FDFT1: variants seen among roughly 807,000 people sequenced by gnomAD.
The protein encoded by FDFT1 is squalene synthase.
A neutral mutation model predicts 46.8 loss-of-function variants in FDFT1; 68 were observed. That is an observed-to-expected ratio of 1.45 (90% confidence interval 1.19 to 1.78). The LOEUF (loss-of-function observed/expected upper bound fraction) is 1.78. FDFT1 is among the 40% of genes most tolerant of loss of function. The pLI is 0.00. For synonymous variants in FDFT1, 351 were observed against 185.1 expected (o/e 1.90, Z -7.28); for missense variants, 928 against 524.4 (o/e 1.77, Z -7.52).
At chr8:11,805,856 C>A (rs1386864050) in intron 1 of FDFT1, among the ~76,000 whole-genome samples, 1 of 152,176 alleles carries the variant, frequency 6.6e-6, no homozygotes, top group East Asian at 1.9e-4. Flanking sequence ...CCAGGTCTTG[C>A]CACAGATGTT....
intron 4 of FDFT1, among the ~76,000 whole-genome samples, chr8:11,822,488 C>T (rs1469185577): frequency 6.6e-6 from 1 of 152,146 alleles, no homozygotes; most frequent in Non-Finnish European, 1.5e-5. Flanking sequence ...AAGTTAACAG[C>T]ATACAATGAC....
At chr8:11,813,249 G>A in intron 3 of FDFT1, among the ~76,000 whole-genome samples, 1 of 152,188 alleles carries the variant, frequency 6.6e-6, no homozygotes, top group East Asian at 1.9e-4. Flanking sequence ...CCTGGTACTA[G>A]TGGAAAGCTA....
Position 11,830,390 on chromosome 8 carries a change from G to A in FDFT1, c.849G>A (p.Gln283=), listed in dbSNP as rs1810613703. The A allele has an allele frequency of 1.9e-6, 3 of 1,613,788 alleles. No homozygotes were observed. Among genetic ancestry groups the A allele is most frequent in the Non-Finnish European group, 2.5e-6 (3 of 1,179,822 alleles). ...CCTACCTTTCGAGACTCAGAAACCA[G>A]AGTGTGTTTAACTTCTGTGCTATTC... ...VITYLSRLRN[Q]SVFNFCAIPQ... Residue 283 remains glutamine, a synonymous_variant, in exon 6 of 8, where the codon CAG becomes CAA. Coordinates refer to ENST00000220584, the MANE Select transcript of FDFT1 (RefSeq NM_004462.5).
chr8:11,805,909 G>C (rs1021400474), intron 1 of FDFT1, among the ~76,000 whole-genome samples: 1 of 152,212 alleles, frequency 6.6e-6, no homozygotes, highest in Non-Finnish European at 1.5e-5. Context: ...GGTTGATTGA[G>C]TAAGGATCAC....
intron 3 of FDFT1, among the ~76,000 whole-genome samples, chr8:11,820,967 G>C (rs1035199548): frequency 1.3e-5 from 2 of 152,222 alleles, no homozygotes; most frequent in Non-Finnish European, 2.9e-5. Context: ...GCTGGGAGCT[G>C]TAGACCAGAG....
At chr8:11,802,385 T>C (rs748833950), upstream of FDFT1, 3 of 455,746 alleles carry the variant, frequency 6.6e-6, no homozygotes, top group East Asian at 6.9e-5. Context: ...CGGACCACCG[T>C]TGGGCTCCTG....
intron 3 of FDFT1, among the ~76,000 whole-genome samples, chr8:11,814,487 G>A (rs1808169896): frequency 6.6e-6 from 1 of 152,014 alleles, no homozygotes; most frequent in African/African-American, 2.4e-5. Flanking sequence ...CAGGTATATT[G>A]CATACTTTCA....
At chr8:11,807,252 C>T (rs942064725) in intron 1 of FDFT1, among the ~76,000 whole-genome samples, 5 of 152,320 alleles carry the variant, frequency 3.3e-5, no homozygotes, top group Non-Finnish European at 7.4e-5. Flanking sequence ...ATCCTCCCAC[C>T]TCAGCCTCCT....
intron 3 of FDFT1, among the ~76,000 whole-genome samples, chr8:11,812,841 C>CT (rs1206400296): frequency 6.6e-6 from 1 of 152,192 alleles, no homozygotes; most frequent in Non-Finnish European, 1.5e-5. Context: ...TCAAGTCAGG[C>CT]TTTCTAGAAA....
Position 11,803,339 on chromosome 8 carries a change from C to T in FDFT1, c.99+408C>T, listed in dbSNP as rs1369194987. On this transcript the variant is annotated intron_variant, in intron 1 of 7. Coordinates refer to ENST00000220584, the MANE Select transcript of FDFT1 (RefSeq NM_004462.5). ...CTATGCAGATAACATCACATGAAGG[C>T]CGTTTCTGGAATGAAGTCTGACTCC... 1.2e-5 allele frequency: 15 copies of T among 1,292,060 alleles called. No homozygotes were observed. In the East Asian group the frequency reaches 4.4e-4, roughly 38 times the overall value. 80.0% of individuals were successfully genotyped at this position (1,292,060 alleles called of 1,614,324 possible).
chr8:11,813,059 A>G (rs1424633277), intron 3 of FDFT1, among the ~76,000 whole-genome samples: 3 of 152,216 alleles, frequency 2.0e-5, no homozygotes, highest in Non-Finnish European at 4.4e-5. Flanking sequence ...ACATCTCTAC[A>G]GGATGGTACT....
chr8:11,795,742 T>G (rs932040109), exon 1 of FDFT1: 1 of 152,244 alleles, frequency 6.6e-6, no homozygotes. Context: ...ACGAACCCAC[T>G]GGGAGAAACA....
At chr8:11,798,323 G>A (rs1174808304), upstream of FDFT1, among the ~76,000 whole-genome samples, 1 of 152,164 alleles carries the variant, frequency 6.6e-6, no homozygotes, top group Non-Finnish European at 1.5e-5. Context: ...GTCTTCCCAA[G>A]TGCTGGGATT....
At chr8:11,817,652 T>G (rs1297290796) in intron 3 of FDFT1, among the ~76,000 whole-genome samples, 1 of 152,230 alleles carries the variant, frequency 6.6e-6, no homozygotes, top group Non-Finnish European at 1.5e-5. Context: ...CTTATTTGCA[T>G]AGAGGTGTTG....
Position 11,795,694 on chromosome 8 carries a change from G to T in FDFT1, c.-411G>T, listed in dbSNP as rs564060175. ...CCTTTATGAGCTGTAACACTCACAG[G>T]GTAGGTTTGCAGCTTCACTCCTGAA... On this transcript the variant is annotated 5_prime_UTR_variant, in exon 1 of 8. Transcript: ENST00000538689. The T allele has an allele frequency of 2.6e-5, 4 of 152,116 alleles. No homozygotes were observed. The South Asian group carries it at 8.3e-4, about 32-fold the overall frequency. 9.4% of individuals were successfully genotyped at this position (152,116 alleles called of 1,614,324 possible).
Position 11,830,362 on chromosome 8 carries a change from T to C in FDFT1, c.821T>C (p.Ile274Thr). Residue 274 changes from isoleucine to threonine, a missense_variant, in exon 6 of 8, where the codon ATC (isoleucine) becomes ACC (threonine). Coordinates refer to ENST00000220584, the MANE Select transcript of FDFT1 (RefSeq NM_004462.5). ...GCACTGCACCACATCCCAGATGTCA[T>C]CACCTACCTTTCGAGACTCAGAAAC... ...TNALHHIPDVITYLSRLRNQS... is the reference protein window; with the variant it reads ...TNALHHIPDVTTYLSRLRNQS... The C allele has an allele frequency of 1.9e-6, 3 of 1,613,972 alleles. No homozygotes were observed. The highest frequency in any genetic ancestry group is 2.5e-6 in the Non-Finnish European group (3 of 1,179,882).
chr8:11,803,273 C>A, intron 1 of FDFT1: 1 of 1,335,698 alleles, frequency 7.5e-7, no homozygotes, highest in South Asian at 1.2e-5. Flanking sequence ...GGGTGGGTTA[C>A]GCGGGAGAGG....
chr8:11,816,214 T>C (rs1808425177), intron 3 of FDFT1, among the ~76,000 whole-genome samples: 1 of 152,236 alleles, frequency 6.6e-6, no homozygotes, highest in African/African-American at 2.4e-5. Context: ...TCTGTTCCGT[T>C]CCATTGGTGT....
intron 2 of FDFT1, 44 bp downstream of exon 2, chr8:11,808,935 C>T (rs371380699): frequency 7.5e-6 from 12 of 1,596,662 alleles, no homozygotes; most frequent in South Asian, 6.8e-5. Flanking sequence ...GAAAGCTTGT[C>T]CGGGACCTTT....
Sources: gnomAD v4.1 joint callset for allele counts (sites outside exome capture counted in the v4.1 genomes callset) on GRCh38, gnomAD v4.1.1 for gene constraint, MANE v1.5 for transcripts, NCBI Gene and HGNC (gene_info 2026-07-23, HGNC 2026-07-21) for gene names.